Variants in NTM observed in about 807,000 individuals in gnomAD.
NTM encodes the protein IgLON family member 2.
A neutral mutation model predicts 42.1 loss-of-function variants in NTM; 13 were observed. The observed-to-expected ratio is 0.31, with a 90% confidence interval of 0.20 to 0.49. The LOEUF (loss-of-function observed/expected upper bound fraction) is 0.49, where lower values mean the gene tolerates loss of function less well. NTM is among the 20% of genes least tolerant of loss of function. NTM has a pLI of 0.99. For synonymous variants in NTM, 187 were observed against 179.2 expected (o/e 1.04, Z -0.35); for missense variants, 373 against 452.8 (o/e 0.82, Z 1.60).
In NTM at chr11:132,314,534, G is replaced by GTCT. The variant is rs1555089584; in HGVS notation, c.783-16_783-14dup. ...TAACCATCTTGTTTTCTTCTTTTTTGTCTTTTGTTTCTCTCAGACTGATTG... is the reference window on the plus strand; with the variant it reads ...TAACCATCTTGTTTTCTTCTTTTTTGTCTTCTTTTGTTTCTCTCAGACTGATTG... On this transcript the variant is annotated splice_polypyrimidine_tract_variant and intron_variant, in intron 6 of 8. Transcript: ENST00000683400. 1 of 1,595,454 alleles carries GTCT rather than the reference G, an allele frequency of 6.3e-7. No homozygotes were observed. The highest frequency in any genetic ancestry group is 8.5e-7 in the Non-Finnish European group (1 of 1,172,624).
chr11:131,573,984 C>T (rs2057698750), intron 1 of NTM, among the ~76,000 whole-genome samples: 1 of 152,164 alleles, frequency 6.6e-6, no homozygotes, highest in South Asian at 2.1e-4. Flanking sequence ...GGGATAAAGG[C>T]CTGCAGGCTC....
chr11:132,102,900 C>T (rs199849784), intron 2 of NTM, among the ~76,000 whole-genome samples: 4 of 152,180 alleles, frequency 2.6e-5, no homozygotes, highest in East Asian at 3.9e-4. Context: ...TACAGGTGCT[C>T]GCACACATCA....
intron 1 of NTM, among the ~76,000 whole-genome samples, chr11:131,496,917 C>A (rs1955404655): frequency 6.6e-6 from 1 of 152,208 alleles, no homozygotes; most frequent in African/African-American, 2.4e-5. Context: ...AACCACAGAA[C>A]TCAAACCAGC....
At chr11:131,491,994 G>A (rs1001230861) in intron 1 of NTM, among the ~76,000 whole-genome samples, 2 of 152,174 alleles carry the variant, frequency 1.3e-5, no homozygotes, top group Non-Finnish European at 2.9e-5. Context: ...AACTCTGCAA[G>A]GCAGTTTTGA....
At chr11:131,949,092 GTGAC>G in intron 2 of NTM, among the ~76,000 whole-genome samples, 1 of 152,312 alleles carries the variant, frequency 6.6e-6, no homozygotes, top group East Asian at 1.9e-4. Flanking sequence ...TTTCCCTTCT[GTGAC>G]TGACTTATTT....
In NTM at chr11:131,717,395, T is replaced by C. The variant is rs531305447; in HGVS notation, c.83-194169T>C. On this transcript the variant is annotated intron_variant, in intron 1 of 8. Transcript: ENST00000683400. ...ATATGTCTCTATTTATATAGGTCTTTAATTTCTTTCACTGCAATTTTGTAG... is the reference window on the plus strand; with the variant it reads ...ATATGTCTCTATTTATATAGGTCTTCAATTTCTTTCACTGCAATTTTGTAG... 5.9e-5 allele frequency among the ~76,000 whole-genome samples: 9 copies of C among 152,348 alleles called. No homozygotes were observed. In the South Asian group the frequency reaches 1.9e-3, roughly 32 times the overall value.
At chr11:132,319,029 A>T (rs560071507) in intron 7 of NTM, among the ~76,000 whole-genome samples, 53 of 152,370 alleles carry the variant, frequency 3.5e-4, no homozygotes, top group Admixed American at 6.5e-4. Flanking sequence ...AGTGAAGTCA[A>T]TAGACTTATT....
intron 2 of NTM, among the ~76,000 whole-genome samples, chr11:132,067,732 C>T (rs2056734885): frequency 1.3e-5 from 2 of 152,224 alleles, no homozygotes; most frequent in Admixed American, 1.3e-4. Flanking sequence ...GGGCCCATAG[C>T]TCTGCCTTCT....
intron 2 of NTM, among the ~76,000 whole-genome samples, chr11:132,144,613 C>A (rs1461609720): frequency 3.9e-5 from 6 of 152,288 alleles, no homozygotes; most frequent in Admixed American, 2.6e-4. Flanking sequence ...CCCAAATATT[C>A]TGAATCAGTA....
At chr11:131,624,244 G>C (rs896900839) in intron 1 of NTM, among the ~76,000 whole-genome samples, 2 of 152,180 alleles carry the variant, frequency 1.3e-5, no homozygotes, top group African/African-American at 4.8e-5. Flanking sequence ...TCAAGGACCA[G>C]CGTTTCCAGC....
At chr11:131,882,126 G>A (rs1037493652) in intron 1 of NTM, among the ~76,000 whole-genome samples, 1 of 152,186 alleles carries the variant, frequency 6.6e-6, no homozygotes, top group Non-Finnish European at 1.5e-5. Context: ...ACATTAGTCA[G>A]AATTATCTAG....
intron 1 of NTM, among the ~76,000 whole-genome samples, chr11:131,903,365 C>T (rs973792713): frequency 2.0e-5 from 3 of 152,108 alleles, no homozygotes; most frequent in Admixed American, 1.3e-4. Context: ...TTAATAGGAC[C>T]GTTACTGTAA....
At chr11:131,444,203 CAA>C (rs71475757) in intron 1 of NTM, among the ~76,000 whole-genome samples, 7,889 of 49,318 alleles carry the variant, frequency 0.16, 123 homozygotes, top group South Asian at 0.24. Context: ...AGGTTAGAAC[CAA>C]AAAAAAAAAA....
chr11:131,990,732 C>T (rs1045623012), intron 2 of NTM, among the ~76,000 whole-genome samples: 3 of 152,132 alleles, frequency 2.0e-5, no homozygotes, highest in Admixed American at 6.6e-5. Flanking sequence ...TTTATAAAAG[C>T]TTGCAAGTGC....
At chr11:131,582,049 C>G (rs2512893) in intron 1 of NTM, 91,989 of 151,892 alleles carry the variant, frequency 0.61, 28,100 homozygotes, top group South Asian at 0.68. Context: ...GAGGGGCTCT[C>G]AGCCTTCACT....
At chr11:131,928,870 C>T (rs2058261370) in intron 2 of NTM, among the ~76,000 whole-genome samples, 1 of 152,226 alleles carries the variant, frequency 6.6e-6, no homozygotes, top group Admixed American at 6.5e-5. Context: ...TCTCAACCAC[C>T]CACCCCTCAG....
At chr11:131,378,178 G>A (rs1040200930) in intron 1 of NTM, among the ~76,000 whole-genome samples, 2 of 152,278 alleles carry the variant, frequency 1.3e-5, no homozygotes, top group African/African-American at 2.4e-5. Context: ...TCTCCAAGAA[G>A]GCCTAATCTG....
In NTM at chr11:132,003,966, T is replaced by C. The variant is rs79506027; in HGVS notation, c.167+92318T>C. On this transcript the variant is annotated intron_variant, in intron 2 of 8. Coordinates refer to ENST00000683400, the MANE Select transcript of NTM (RefSeq NM_001352005.2). The surrounding 1 kb of genome is among the most constrained non-coding windows in gnomAD (Gnocchi z 6.0). ...CATTGTTCAGGTTTCATCGTCTCCTTAATCAACCATTAGCATAATGTATTA... is the reference window on the plus strand; with the variant it reads ...CATTGTTCAGGTTTCATCGTCTCCTCAATCAACCATTAGCATAATGTATTA... Among the ~76,000 whole-genome samples, 1 of 152,222 alleles carries C rather than the reference T, an allele frequency of 6.6e-6. No homozygotes were observed. Among genetic ancestry groups the C allele is most frequent in the Admixed American group, 6.5e-5 (1 of 15,272 alleles).
rs193116498 is a variant in NTM, at chr11:131,789,682, G to C, written c.83-121882G>C. Among the ~76,000 whole-genome samples, 266 of 147,174 alleles carry C rather than the reference G, an allele frequency of 1.8e-3. 7 individuals are homozygous for C. The highest frequency in any genetic ancestry group is 6.9e-3 in the Middle Eastern group (2 of 290). ...GAAGAAGAAGAAAGCATGGGCCGGG[G>C]GCGGTGGCTCTCGCCTGTAATCCCA... On this transcript the variant is annotated intron_variant, in intron 1 of 8. Transcript: ENST00000683400.
Sources: gnomAD v4.1 joint callset for allele counts (sites outside exome capture counted in the v4.1 genomes callset) on GRCh38, gnomAD v4.1.1 for gene constraint, Gnocchi (gnomAD v3.1) non-coding constraint, MANE v1.5 for transcripts, NCBI Gene and HGNC (gene_info 2026-07-23, HGNC 2026-07-21) for gene names.